Variants in PM20D2 observed in about 807,000 individuals in gnomAD.
The protein encoded by PM20D2 is peptidase M20 domain containing 2.
PM20D2 carries 33 observed loss-of-function variants against 42.9 expected under a neutral mutation model. The observed-to-expected ratio is 0.77, with a 90% CI of 0.58 to 1.03. The LOEUF is 1.03. Among genes scored for constraint, PM20D2 ranks in the 50% least tolerant of loss-of-function variants. The pLI is 0.00. For synonymous variants in PM20D2, 250 were observed against 228.2 expected (o/e 1.10, Z -0.86); for missense variants, 548 against 557.0 (o/e 0.98, Z 0.16).
chr6:89,117,006 TGA>T, the PM20D2 span, among the ~76,000 whole-genome samples: 1 of 151,998 alleles, frequency 6.6e-6, no homozygotes, highest in East Asian at 1.9e-4. Context: ...CCCAGTGAAA[TGA>T]GAATGTCTAT....
the PM20D2 span, among the ~76,000 whole-genome samples, chr6:89,124,038 AAATAAT>A: frequency 2.6e-5 from 4 of 152,116 alleles, no homozygotes; most frequent in African/African-American, 4.8e-5. Context: ...TCATGTCTCA[AAATAAT>A]AATAATAAAC....
upstream of PM20D2, among the ~76,000 whole-genome samples, chr6:89,144,169 AC>A (rs1770436324): frequency 3.8e-5 from 1 of 26,616 alleles, no homozygotes; most frequent in Non-Finnish European, 7.7e-5. Flanking sequence ...ATACCCACCC[AC>A]CCACCCACAT....
At chr6:89,095,362 G>A in the PM20D2 span, among the ~76,000 whole-genome samples, 1 of 152,046 alleles carries the variant, frequency 6.6e-6, no homozygotes, top group Non-Finnish European at 1.5e-5. Flanking sequence ...AGTAGCATGC[G>A]CCACCACGCC....
the PM20D2 span, among the ~76,000 whole-genome samples, chr6:89,099,187 G>T: frequency 6.6e-6 from 1 of 151,704 alleles, no homozygotes; most frequent in Middle Eastern, 3.2e-3. Context: ...ATAGGGATCA[G>T]TTCTGAAAAA....
At chr6:89,116,182 C>G in the PM20D2 span, among the ~76,000 whole-genome samples, 699 of 152,288 alleles carry the variant, frequency 4.6e-3, 1 homozygote, top group African/African-American at 0.016. Context: ...GCCTTATAGG[C>G]TGGCAGCTTC....
At chr6:89,144,121 A>G (rs907057293), upstream of PM20D2, among the ~76,000 whole-genome samples, 4 of 152,198 alleles carry the variant, frequency 2.6e-5, no homozygotes, top group Non-Finnish European at 4.4e-5. Flanking sequence ...CAAGGTGTCA[A>G]CAGTAGAAAC....
chr6:89,144,668 C>T (rs1378157588), upstream of PM20D2, among the ~76,000 whole-genome samples: 2 of 152,222 alleles, frequency 1.3e-5, no homozygotes, highest in Non-Finnish European at 2.9e-5. Context: ...GTGCCTAGCA[C>T]AGAGTAATTG....
chr6:89,158,170 CTTTTT>C (rs1771114960), intron 4 of PM20D2, among the ~76,000 whole-genome samples, 150 bp from the exon 5 acceptor site: 1 of 151,920 alleles, frequency 6.6e-6, no homozygotes, highest in Non-Finnish European at 1.5e-5. Flanking sequence ...AATCTTTTTT[CTTTTT>C]TAAGGTAAGA....
chr6:89,106,413 A>G, the PM20D2 span, among the ~76,000 whole-genome samples: 1 of 152,210 alleles, frequency 6.6e-6, no homozygotes, highest in Non-Finnish European at 1.5e-5. Flanking sequence ...GCACCCAGCC[A>G]AACATTTATG....
At chr6:89,136,811 T>C in the PM20D2 span, among the ~76,000 whole-genome samples, 1 of 151,288 alleles carries the variant, frequency 6.6e-6, no homozygotes, top group South Asian at 2.1e-4. Flanking sequence ...TACTTCATTG[T>C]AAAGTTGCCC....
chr6:89,147,730 T>TA (rs556108073), intron 1 of PM20D2, among the ~76,000 whole-genome samples: 46,339 of 144,172 alleles, frequency 0.32, 7,837 homozygotes, highest in African/African-American at 0.45. Flanking sequence ...TAAAATATAT[T>TA]AAAAAAAAAA....
chr6:89,154,518 A>G (rs1444966929), intron 3 of PM20D2, among the ~76,000 whole-genome samples: 1 of 152,228 alleles, frequency 6.6e-6, no homozygotes, highest in Non-Finnish European at 1.5e-5. Context: ...ATTCTTCTGA[A>G]TGAAGTGCAT....
At chr6:89,105,643 C>T in the PM20D2 span, 1 of 721,068 alleles carries the variant, frequency 1.4e-6, no homozygotes, top group Non-Finnish European at 2.2e-6. Flanking sequence ...AGTTATTAAG[C>T]TCACATCTTC....
At chr6:89,158,293 A>G (rs1408529529) in intron 4 of PM20D2, 32 bp from the exon 5 acceptor site, 8 of 1,546,126 alleles carry the variant, frequency 5.2e-6, no homozygotes, top group East Asian at 4.6e-5. Context: ...TGAGTTTTTT[A>G]TTTCAAAATT....
the PM20D2 span, among the ~76,000 whole-genome samples, chr6:89,123,731 A>C: frequency 9.3e-5 from 13 of 140,124 alleles, 2 homozygotes; most frequent in East Asian, 4.4e-4. Flanking sequence ...AAAAAAAAAA[A>C]AAAAAAAGGT....
At chr6:89,151,801 G>A (rs1390173955) in intron 2 of PM20D2, among the ~76,000 whole-genome samples, 5 of 151,930 alleles carry the variant, frequency 3.3e-5, no homozygotes, top group East Asian at 1.9e-4. Flanking sequence ...ATGAAATTCC[G>A]GTTTTGCCAG....
At chr6:89,140,957 T>C in the PM20D2 span, among the ~76,000 whole-genome samples, 1 of 152,210 alleles carries the variant, frequency 6.6e-6, no homozygotes. Flanking sequence ...TCCCTTTTTG[T>C]TTTTCAGGGT....
rs545079274 is a variant in PM20D2, at chr6:89,160,791, A to G, written c.1049-992A>G. Among the ~76,000 whole-genome samples the G allele has an allele frequency of 5.3e-5, 8 of 152,342 alleles. No individual in the cohort carries two copies. The South Asian group carries it at 1.7e-3, about 32-fold the overall frequency. On this transcript the variant is annotated intron_variant, in intron 5 of 6. Transcript: ENST00000275072. ...GGAATTTCACTTTATGGGAAGGTGA[A>G]GTAAGTAAGGCTTTGCTGAGGAAAT...
chr6:89,116,527 C>G, the PM20D2 span, among the ~76,000 whole-genome samples: 1 of 152,030 alleles, frequency 6.6e-6, no homozygotes, highest in Non-Finnish European at 1.5e-5. Flanking sequence ...GTAATCTCAG[C>G]GCTTTGGGAG....
Sources: gnomAD v4.1 joint callset for allele counts (sites outside exome capture counted in the v4.1 genomes callset) on GRCh38, gnomAD v4.1.1 for gene constraint, MANE v1.5 for transcripts, NCBI Gene and HGNC (gene_info 2026-07-23, HGNC 2026-07-21) for gene names.